Variants in GPC5 observed in about 807,000 individuals in gnomAD.
The protein encoded by GPC5 is glypican-5.
Under a neutral mutation model 53.9 loss-of-function variants are expected in GPC5, and 47 were observed. The observed-to-expected ratio is 0.87, with a 90% CI of 0.69 to 1.11. The LOEUF is 1.11. GPC5 is among the 50% of genes most tolerant of loss of function. GPC5 has a pLI of 0.00. For synonymous variants in GPC5, 286 were observed against 263.3 expected, an observed-to-expected ratio of 1.09 and a Z score of -0.84; for missense variants, 748 against 713.1, an observed-to-expected ratio of 1.05 and a Z score of -0.56.
chr13:91,943,808 C>A (rs1252460796), intron 6 of GPC5, among the ~76,000 whole-genome samples: 2 of 151,974 alleles, frequency 1.3e-5, no homozygotes, highest in Non-Finnish European at 2.9e-5. Context: ...ATTGTTAAAT[C>A]ATGGAAAATG....
chr13:92,840,080 T>TAC (rs34330480), intron 7 of GPC5, among the ~76,000 whole-genome samples: 5 of 2,136 alleles, frequency 2.3e-3, no homozygotes, highest in South Asian at 0.037. Context: ...TATACATACA[T>TAC]ATATATATAT....
chr13:92,347,883 T>TATATATATA (rs2043433124), intron 7 of GPC5, among the ~76,000 whole-genome samples: 1 of 1,168 alleles, frequency 8.6e-4, no homozygotes, highest in Non-Finnish European at 1.6e-3. Flanking sequence ...TAATATATAT[T>TATATATATA]ATATATATTA....
chr13:92,239,665 T>A (rs2042595644), intron 7 of GPC5, among the ~76,000 whole-genome samples: 1 of 152,052 alleles, frequency 6.6e-6, no homozygotes, highest in African/African-American at 2.4e-5. Context: ...AGATTCATTA[T>A]ATATAAACAT....
intron 7 of GPC5, among the ~76,000 whole-genome samples, chr13:92,506,513 G>C (rs1001988066): frequency 6.6e-6 from 1 of 152,030 alleles, no homozygotes; most frequent in Non-Finnish European, 1.5e-5. Context: ...TCCAAATAAA[G>C]CATGTTCCTC....
chr13:92,576,202 T>A (rs1015447128), intron 7 of GPC5, among the ~76,000 whole-genome samples: 1 of 152,206 alleles, frequency 6.6e-6, no homozygotes, highest in Non-Finnish European at 1.5e-5. Context: ...TTCAGAGACA[T>A]AAATGTGTTT....
rs1566516177 is a variant in GPC5 at position 91,571,920 on chromosome 13, A to ACG, written c.326-121267_326-121266insCG. On this transcript the variant is annotated intron_variant, in intron 2 of 7. Coordinates refer to ENST00000377067, the MANE Select transcript of GPC5 (RefSeq NM_004466.6). Reference sequence around the variant, plus strand: ...ATACACATATTGTATATATACACATATTGTATATATACACACATGTATATA... The same window carrying ACG: ...ATACACATATTGTATATATACACATACGTTGTATATATACACACATGTATATA... Among the ~76,000 whole-genome samples, 229 of 107,784 alleles carry ACG rather than the reference A, an allele frequency of 2.1e-3. 6 individuals carry two copies. Among genetic ancestry groups the ACG allele is most frequent in the South Asian group, 7.6e-3 (17 of 2,230 alleles). The allele number at this position is 107,784 out of a possible 152,430, so 70.7% of individuals were successfully genotyped here.
intron 7 of GPC5, among the ~76,000 whole-genome samples, chr13:92,377,124 G>A (rs2043701757): frequency 1.3e-5 from 2 of 152,146 alleles, no homozygotes; most frequent in South Asian, 2.1e-4. Context: ...CCACCATGAA[G>A]TCTTTCTAAA....
intron 7 of GPC5, among the ~76,000 whole-genome samples, chr13:92,462,011 G>C (rs1391549113): frequency 1.3e-5 from 2 of 152,200 alleles, no homozygotes; most frequent in Non-Finnish European, 2.9e-5. Flanking sequence ...GGATGCCAGT[G>C]CGGCTGAACC....
intron 5 of GPC5, among the ~76,000 whole-genome samples, chr13:91,834,380 A>T (rs112302511): frequency 0.027 from 4,174 of 152,262 alleles, 199 homozygotes; most frequent in African/African-American, 0.095. Context: ...TTCTTCACAG[A>T]ATTGGAAAAA....
At chr13:91,812,829 C>T (rs1022984978) in intron 5 of GPC5, among the ~76,000 whole-genome samples, 10 of 152,138 alleles carry the variant, frequency 6.6e-5, no homozygotes, top group Non-Finnish European at 1.5e-4. Context: ...GAAATGAAGA[C>T]AACATTTGAA....
chr13:92,144,128 A>G (rs1227919525), intron 6 of GPC5, among the ~76,000 whole-genome samples: 1 of 152,168 alleles, frequency 6.6e-6, no homozygotes, highest in Non-Finnish European at 1.5e-5. Flanking sequence ...ATGTTGTTCA[A>G]AAGTATTACT....
chr13:92,427,700 C>A (rs187276746), intron 7 of GPC5, among the ~76,000 whole-genome samples: 84 of 152,124 alleles, frequency 5.5e-4, no homozygotes, highest in Non-Finnish European at 1.1e-3. Flanking sequence ...GTCAAGTGAT[C>A]TTGTGAGATA....
At chr13:92,402,178 T>A (rs980584251) in intron 7 of GPC5, among the ~76,000 whole-genome samples, 8 of 152,172 alleles carry the variant, frequency 5.3e-5, no homozygotes, top group South Asian at 2.1e-4. Flanking sequence ...TTAGCCAGTA[T>A]TGGATAATAT....
At chr13:91,803,978 C>T (rs1302177054) in intron 5 of GPC5, among the ~76,000 whole-genome samples, 1 of 151,878 alleles carries the variant, frequency 6.6e-6, no homozygotes. Context: ...GGGACAGAGA[C>T]AGAAAATGCA....
chr13:92,139,691 A>G (rs1338917266), intron 6 of GPC5, among the ~76,000 whole-genome samples: 1 of 142,812 alleles, frequency 7.0e-6, no homozygotes, highest in Non-Finnish European at 1.5e-5. Context: ...AAAAAGTGTT[A>G]TATTTAGAAT....
chr13:92,704,887 GTA>G lies in GPC5; in HGVS notation c.1562-161387_1562-161386del, dbSNP rs557567460. Among the ~76,000 whole-genome samples, 25 of 147,872 alleles carry G rather than the reference GTA, an allele frequency of 1.7e-4. No homozygotes were observed. In the East Asian group the frequency reaches 4.6e-3, roughly 27 times the overall value. ...GTGTATATATATATACTCAATGTGT[GTA>G]TATATATGAGTATATATATATACAC... On this transcript the variant is annotated intron_variant, in intron 7 of 7. Coordinates refer to ENST00000377067, the MANE Select transcript of GPC5 (RefSeq NM_004466.6).
rs866917796 is a variant in GPC5 at position 92,855,898 on chromosome 13, A to G, written c.1562-10384A>G. Among the ~76,000 whole-genome samples, 63 of 152,092 alleles carry G rather than the reference A, an allele frequency of 4.1e-4. 1 individual carries two copies. The highest frequency in any genetic ancestry group is 1.3e-3 in the African/African-American group (54 of 41,440). ...TATGAACCAAAAAAAGCCTTGCACC[A>G]GATGGATTCACAGCTGAATTCTACC... On this transcript the variant is annotated intron_variant, in intron 7 of 7. Transcript: ENST00000377067.
chr13:92,527,162 AAGAAAGAAAG>A (rs1566276673), intron 7 of GPC5, among the ~76,000 whole-genome samples: 13 of 121,494 alleles, frequency 1.1e-4, no homozygotes, highest in South Asian at 2.6e-4. Context: ...GAAAGAAAGA[AAGAAAGAAAG>A]AGAAAGAAAG....
At chr13:91,625,377 A>G (rs143263813) in intron 2 of GPC5, among the ~76,000 whole-genome samples, 1 of 152,242 alleles carries the variant, frequency 6.6e-6, no homozygotes. Context: ...CTGTTTTACA[A>G]AAATATTGTA....
Sources: allele counts gnomAD v4.1 joint callset (sites outside exome capture counted in the v4.1 genomes callset), GRCh38; gene constraint gnomAD v4.1.1; transcripts MANE v1.5; gene names NCBI Gene and HGNC (gene_info 2026-07-23, HGNC 2026-07-21).